The following EXOC6B variants were observed in gnomAD, a reference collection of about 807,000 sequenced individuals.
The protein encoded by EXOC6B is SEC15 homolog B.
In EXOC6B, 54 loss-of-function variants were observed where a neutral mutation model predicts 113.5. That is an observed-to-expected ratio of 0.48 (90% CI 0.38 to 0.60). EXOC6B has a LOEUF of 0.60. EXOC6B is among the 20% of genes least tolerant of loss of function. The pLI, the probability that EXOC6B is intolerant of heterozygous loss-of-function variation, is 0.00. For missense variants in EXOC6B, 797 were observed against 977.5 expected (o/e 0.82, Z 2.46); for synonymous variants, 357 against 339.0 (o/e 1.05, Z -0.58).
intron 8 of EXOC6B, among the ~76,000 whole-genome samples, chr2:72,517,169 G>A (rs1169169675): frequency 6.6e-6 from 1 of 152,138 alleles, no homozygotes; most frequent in East Asian, 1.9e-4. Context: ...CTGGTGTAGT[G>A]CAAAAGCAGC....
intron 8 of EXOC6B, among the ~76,000 whole-genome samples, chr2:72,554,182 C>T (rs1458621748): frequency 3.3e-5 from 5 of 152,114 alleles, no homozygotes; most frequent in Non-Finnish European, 7.4e-5. Context: ...TAGCCAACAC[C>T]ATAGACATCT....
intron 6 of EXOC6B, among the ~76,000 whole-genome samples, chr2:72,671,771 G>GAAAGAAAGAAAGAAAGAAAGAA (rs1331131397): frequency 9.1e-5 from 8 of 88,262 alleles, no homozygotes; most frequent in African/African-American, 4.4e-4. Context: ...AAGAAAGAAA[G>GAAAGAAAGAAAGAAAGAAAGAA]AAAGAAAGAA....
intron 19 of EXOC6B, among the ~76,000 whole-genome samples, chr2:72,365,497 G>A (rs1690564502): frequency 6.6e-6 from 1 of 152,156 alleles, no homozygotes; most frequent in South Asian, 2.1e-4. Flanking sequence ...CAGCTTCCAG[G>A]ATGTGCTATA....
chr2:72,267,168 C>T (rs375037153), intron 20 of EXOC6B, among the ~76,000 whole-genome samples: 8 of 151,998 alleles, frequency 5.3e-5, no homozygotes, highest in African/African-American at 1.4e-4. Flanking sequence ...TGAGACGATG[C>T]GGTTTTCTAG....
chr2:72,385,091 C>A (rs1691920605), intron 18 of EXOC6B, among the ~76,000 whole-genome samples: 1 of 152,074 alleles, frequency 6.6e-6, no homozygotes, highest in Non-Finnish European at 1.5e-5. Context: ...GGAGCTGTCA[C>A]ATAGTCTGAT....
chr2:72,378,260 T>A (rs183350300), intron 19 of EXOC6B, among the ~76,000 whole-genome samples: 1 of 152,338 alleles, frequency 6.6e-6, no homozygotes, highest in East Asian at 1.9e-4. Flanking sequence ...GAACTACTTC[T>A]TTGAACAACT....
intron 20 of EXOC6B, among the ~76,000 whole-genome samples, chr2:72,205,266 C>T (rs1223837526): frequency 1.3e-5 from 2 of 151,814 alleles, no homozygotes; most frequent in Non-Finnish European, 2.9e-5. Context: ...AAGACTAGAC[C>T]GTGTTCTAAA....
At chr2:72,753,332 G>A (rs1004262152) in intron 1 of EXOC6B, among the ~76,000 whole-genome samples, 1 of 151,360 alleles carries the variant, frequency 6.6e-6, no homozygotes, top group Non-Finnish European at 1.5e-5. Context: ...GATAACACCA[G>A]CCACTGAGTT....
intron 6 of EXOC6B, among the ~76,000 whole-genome samples, chr2:72,580,488 C>T (rs1199544878): frequency 6.6e-6 from 1 of 152,138 alleles, no homozygotes; most frequent in Non-Finnish European, 1.5e-5. Context: ...TGAAACCCAG[C>T]AATATTTCTA....
At chr2:72,414,377 G>C (rs889235264) in intron 18 of EXOC6B, among the ~76,000 whole-genome samples, 1 of 152,112 alleles carries the variant, frequency 6.6e-6, no homozygotes, top group Non-Finnish European at 1.5e-5. Flanking sequence ...CTTCTCAAGT[G>C]TATGAATAGT....
At chr2:72,709,341 G>T (rs140717220) in intron 6 of EXOC6B, among the ~76,000 whole-genome samples, 23 of 152,292 alleles carry the variant, frequency 1.5e-4, no homozygotes, top group Non-Finnish European at 2.6e-4. Flanking sequence ...ACAATCCTAT[G>T]AATTCTCAAC....
chr2:72,732,583 GT>G (rs1488855507), intron 3 of EXOC6B, among the ~76,000 whole-genome samples: 1 of 152,046 alleles, frequency 6.6e-6, no homozygotes, highest in East Asian at 1.9e-4. Flanking sequence ...ATCTCATGGA[GT>G]TTAATTTCCA....
chr2:72,517,826 A>G lies in EXOC6B; in HGVS notation c.916-2700T>C, dbSNP rs73943194. Among the ~76,000 whole-genome samples, 1,280 of 152,318 alleles carry G rather than the reference A, an allele frequency of 8.4e-3. 23 individuals are homozygous for G. The highest frequency in any genetic ancestry group is 0.029 in the African/African-American group (1,197 of 41,578). ...TTTTGTTATAAATGATAGAAAATAC[A>G]TAAGATGGAATTCTATATAAAAACC... On this transcript the variant is annotated intron_variant, in intron 8 of 21. Coordinates refer to ENST00000272427, the MANE Select transcript of EXOC6B (RefSeq NM_015189.3).
At chr2:72,792,438 C>T (rs1291807994) in intron 1 of EXOC6B, among the ~76,000 whole-genome samples, 4 of 152,206 alleles carry the variant, frequency 2.6e-5, no homozygotes, top group Non-Finnish European at 4.4e-5. Context: ...GTATCAGTAG[C>T]ATCCAAATGT....
At chr2:72,749,523 T>C (rs547252376) in intron 1 of EXOC6B, among the ~76,000 whole-genome samples, 3 of 152,004 alleles carry the variant, frequency 2.0e-5, no homozygotes, top group Admixed American at 6.6e-5. Flanking sequence ...CGGAAAGTAA[T>C]TGCAGTTTTG....
At chr2:72,510,820 G>A (rs892026532) in intron 11 of EXOC6B, among the ~76,000 whole-genome samples, 4 of 151,640 alleles carry the variant, frequency 2.6e-5, no homozygotes, top group Admixed American at 6.6e-5. Flanking sequence ...AAAATGATCC[G>A]AAGACAATGG....
At chr2:72,698,895 C>A (rs1678087575) in intron 6 of EXOC6B, among the ~76,000 whole-genome samples, 1 of 152,192 alleles carries the variant, frequency 6.6e-6, no homozygotes, top group South Asian at 2.1e-4. Flanking sequence ...ATACTCTTCA[C>A]AAATCATGAA....
chr2:72,701,532 A>G, intron 6 of EXOC6B, among the ~76,000 whole-genome samples: 1 of 152,184 alleles, frequency 6.6e-6, no homozygotes, highest in East Asian at 1.9e-4. Flanking sequence ...CCCTAAATGC[A>G]TATGTCAAAA....
intron 1 of EXOC6B, among the ~76,000 whole-genome samples, chr2:72,787,878 A>T (rs1447285322): frequency 6.6e-6 from 1 of 152,034 alleles, no homozygotes; most frequent in East Asian, 1.9e-4. Flanking sequence ...CTAAGAGATG[A>T]CACTACAAAT....
Sources: gnomAD v4.1 joint callset for allele counts (sites outside exome capture counted in the v4.1 genomes callset) on GRCh38, gnomAD v4.1.1 for gene constraint, MANE v1.5 for transcripts, NCBI Gene and HGNC (gene_info 2026-07-23, HGNC 2026-07-21) for gene names.